The following EYA2 variants were observed in gnomAD, a reference collection of about 807,000 sequenced individuals.
The protein encoded by EYA2 is EYA transcriptional coactivator and phosphatase 2, also known as protein phosphatase EYA2.
A neutral mutation model predicts 69.2 loss-of-function variants in EYA2; 31 were observed. The observed-to-expected ratio is 0.45, with a 90% CI of 0.34 to 0.60. The LOEUF (loss-of-function observed/expected upper bound fraction) is 0.60, where lower values mean the gene tolerates loss of function less well. Ranked by LOEUF, EYA2 falls within the 20% of genes least tolerant of loss-of-function variation. EYA2 has a pLI of 0.02. For synonymous variants in EYA2, 257 were observed against 279.4 expected (o/e 0.92, Z 0.80); for missense variants, 622 against 701.2 (o/e 0.89, Z 1.28).
At position 47,069,176 on chromosome 20, in the gene EYA2, G is replaced by C. The variant is rs141871905; in HGVS notation, c.416-3009G>C. ...ACAAACTTGAAAAAGAACAAAGTTGGAGAACTTATACTACCTGGTTTCAAA... is the reference window on the plus strand; with the variant it reads ...ACAAACTTGAAAAAGAACAAAGTTGCAGAACTTATACTACCTGGTTTCAAA... On this transcript the variant is annotated intron_variant, in intron 5 of 15. Coordinates refer to ENST00000327619, the MANE Select transcript of EYA2 (RefSeq NM_005244.5). Among the ~76,000 whole-genome samples, 794 of 152,226 alleles carry C rather than the reference G, an allele frequency of 5.2e-3. 7 individuals are homozygous for C. The highest frequency in any genetic ancestry group is 0.018 in the African/African-American group (742 of 41,530).
chr20:47,138,915 T>C (rs2033535452), intron 9 of EYA2, among the ~76,000 whole-genome samples: 1 of 152,226 alleles, frequency 6.6e-6, no homozygotes, highest in Non-Finnish European at 1.5e-5. Context: ...GAAAATATAG[T>C]AACATTTTAT....
rs1383506862 is a variant in EYA2 at position 47,074,328 on chromosome 20, A to G, written c.654A>G (p.Ser218=). The G allele has an allele frequency of 1.2e-6, 2 of 1,613,814 alleles. No individual in the cohort carries two copies. Among genetic ancestry groups the G allele is most frequent in the South Asian group, 2.2e-5 (2 of 91,036 alleles). ...SHNVPNQSSE[S]LAGEYNTHNG... ...ACGTCCCCAACCAGAGTTCCGAGTC[A>G]CTTGCTGGTAGGTGCAGTCACTGGT... The change falls in exon 7 of 16, where the codon TCA becomes TCG. Residue 218 remains serine, a synonymous_variant. Transcript: ENST00000327619.
Position 46,978,534 on chromosome 20 carries a change from T to C in EYA2, c.-10-11467T>C. 3.7e-6 allele frequency: 2 copies of C among 533,860 alleles called. 1 individual carries two copies. Among genetic ancestry groups the C allele is most frequent in the South Asian group, 2.8e-5 (2 of 71,494 alleles). 33.1% of individuals were successfully genotyped at this position (533,860 alleles called of 1,614,324 possible). Reference sequence around the variant, plus strand: ...CGAGAGAAAGGCCAGCGTGCTGGAATCAGATATTGGACAAGGAGAAGCCAG... The same window carrying C: ...CGAGAGAAAGGCCAGCGTGCTGGAACCAGATATTGGACAAGGAGAAGCCAG... On this transcript the variant is annotated intron_variant, in intron 1 of 15. Transcript: ENST00000327619.
intron 5 of EYA2, among the ~76,000 whole-genome samples, chr20:47,056,514 T>TACTC (rs1251719309): frequency 1.3e-5 from 2 of 152,316 alleles, no homozygotes; most frequent in African/African-American, 2.4e-5. Flanking sequence ...GTTGAACATG[T>TACTC]ACTCGATGCT....
rs765083065 is a variant in EYA2, at chr20:47,185,276, C to CTTTTT, written c.1536+1923_1536+1927dup. ...CTCTCCCAGAAAAATGAATCACACT[C>CTTTTT]TTTTTTTTTTTTTTTTTTTTTTTTT... On this transcript the variant is annotated intron_variant, in intron 15 of 15. Coordinates refer to ENST00000327619, the MANE Select transcript of EYA2 (RefSeq NM_005244.5). Among the ~76,000 whole-genome samples, 150 of 55,930 alleles carry CTTTTT rather than the reference C, an allele frequency of 2.7e-3. 27 individuals carry two copies. Among genetic ancestry groups the CTTTTT allele is most frequent in the East Asian group, 5.9e-3 (9 of 1,514 alleles). The allele number at this position is 55,930 out of a possible 152,430, so 36.7% of individuals were successfully genotyped here. A position where few individuals can be genotyped will look rare whatever the true frequency, so the allele number is the denominator to read the frequency against.
chr20:47,105,140 C>T (rs1470145004), intron 9 of EYA2, among the ~76,000 whole-genome samples: 1 of 152,174 alleles, frequency 6.6e-6, no homozygotes, highest in East Asian at 1.9e-4. Context: ...ATTACTGTAG[C>T]TTTGTAGTAA....
chr20:46,958,600 A>G (rs1979283407), intron 1 of EYA2, among the ~76,000 whole-genome samples: 1 of 152,146 alleles, frequency 6.6e-6, no homozygotes, highest in Non-Finnish European at 1.5e-5. Context: ...TTCGTTCTAT[A>G]GGCAAACTTG....
At chr20:47,142,906 C>T (rs143459073) in intron 9 of EYA2, among the ~76,000 whole-genome samples, 153 bp from the exon 10 acceptor site, 2,989 of 152,280 alleles carry the variant, frequency 0.02, 40 homozygotes, top group Admixed American at 0.03. Context: ...ATTATCACAC[C>T]GGCCTCACAC....
At chr20:46,908,750 A>T (rs914829) in intron 1 of EYA2, among the ~76,000 whole-genome samples, 58,094 of 151,652 alleles carry the variant, frequency 0.38, 11,470 homozygotes, top group East Asian at 0.54. Flanking sequence ...TTTTAAAATC[A>T]CTATGAGGAA....
intron 9 of EYA2, among the ~76,000 whole-genome samples, chr20:47,116,723 A>C (rs1228661358): frequency 6.6e-6 from 1 of 152,116 alleles, no homozygotes; most frequent in Non-Finnish European, 1.5e-5. Context: ...CACTGTGTCA[A>C]CAGCCCTTCC....
intron 5 of EYA2, among the ~76,000 whole-genome samples, chr20:47,058,063 A>G (rs2030718203): frequency 6.6e-6 from 1 of 152,200 alleles, no homozygotes; most frequent in African/African-American, 2.4e-5. Context: ...AATGCCAACA[A>G]CTGAAAGTCT....
intron 1 of EYA2, among the ~76,000 whole-genome samples, chr20:46,906,392 A>G (rs755330954): frequency 2.6e-5 from 4 of 152,220 alleles, no homozygotes; most frequent in Non-Finnish European, 5.9e-5. Context: ...CAGAATTGCA[A>G]TGCTGTGCTG....
intron 9 of EYA2, among the ~76,000 whole-genome samples, chr20:47,138,380 A>G (rs1435298902): frequency 6.6e-6 from 1 of 152,206 alleles, no homozygotes; most frequent in East Asian, 1.9e-4. Flanking sequence ...GGCTCATCAT[A>G]TAAACATTTG....
intron 8 of EYA2, chr20:47,096,097 A>G (rs2032238534): frequency 1.3e-5 from 2 of 152,252 alleles, no homozygotes; most frequent in South Asian, 2.1e-4. Flanking sequence ...TCAGACAGGT[A>G]TGATACATAT....
rs571003428 is a variant in EYA2, at chr20:47,133,707, C to T, written c.889-9352C>T. Reference sequence around the variant, plus strand: ...CCAGGAAAGACCAGGCACAATCTTCCGGGAGTCCTCTCCCAGGGGAGCACG... The same window carrying T: ...CCAGGAAAGACCAGGCACAATCTTCTGGGAGTCCTCTCCCAGGGGAGCACG... On this transcript the variant is annotated intron_variant, in intron 9 of 15. Coordinates refer to ENST00000327619, the MANE Select transcript of EYA2 (RefSeq NM_005244.5). Among the ~76,000 whole-genome samples, 15 of 152,234 alleles carry T rather than the reference C, an allele frequency of 9.9e-5. No homozygotes were observed. The South Asian group carries it at 2.3e-3, about 23-fold the overall frequency.
intron 9 of EYA2, among the ~76,000 whole-genome samples, chr20:47,103,434 A>G (rs2032484603): frequency 6.6e-6 from 1 of 152,226 alleles, no homozygotes; most frequent in Non-Finnish European, 1.5e-5. Context: ...TCCATTGTGT[A>G]TTAGTCCATT....
chr20:47,009,861 G>A (rs903190888), intron 4 of EYA2, among the ~76,000 whole-genome samples: 2 of 152,208 alleles, frequency 1.3e-5, no homozygotes, highest in South Asian at 4.1e-4. Context: ...AGTATTTTAA[G>A]CATGTTTTAA....
intron 9 of EYA2, among the ~76,000 whole-genome samples, chr20:47,126,634 A>G (rs1187561937): frequency 6.6e-6 from 1 of 152,226 alleles, no homozygotes; most frequent in African/African-American, 2.4e-5. Flanking sequence ...TTAACAAGTT[A>G]GAAAGTTAGT....
intron 1 of EYA2, among the ~76,000 whole-genome samples, chr20:46,967,611 C>G (rs1313219392): frequency 6.6e-6 from 1 of 152,018 alleles, no homozygotes; most frequent in African/African-American, 2.4e-5. Context: ...GTGAGCAGAC[C>G]CCAAGGTGCC....
Sources: allele counts gnomAD v4.1 joint callset (sites outside exome capture counted in the v4.1 genomes callset), GRCh38; gene constraint gnomAD v4.1.1; transcripts MANE v1.5; gene names NCBI Gene and HGNC (gene_info 2026-07-23, HGNC 2026-07-21).